Variants in ZNF850 observed in about 807,000 individuals in gnomAD.
ZNF850 encodes the protein putative zinc finger protein ENSP00000330994.
ZNF850 carries 2 observed loss-of-function variants against 11.9 expected under a neutral mutation model. That is an observed-to-expected ratio of 0.17 (90% CI 0.07 to 0.53). The LOEUF is 0.53. Ranked by LOEUF, ZNF850 falls within the 20% of genes least tolerant of loss-of-function variation. The pLI is 0.94. For synonymous variants in ZNF850, 381 were observed against 443.0 expected (o/e 0.86, Z 1.76); for missense variants, 1,014 against 1,316.4 (o/e 0.77, Z 3.55).
chr19:36,771,997 A>AAC (rs2040587643), intron 1 of ZNF850, among the ~76,000 whole-genome samples: 1 of 152,070 alleles, frequency 6.6e-6, no homozygotes, highest in Non-Finnish European at 1.5e-5. Flanking sequence ...TAGAGCCGCC[A>AAC]ACTCTCTCTC....
At chr19:36,764,080 A>C (rs1045546912) in intron 1 of ZNF850, among the ~76,000 whole-genome samples, 13 of 151,986 alleles carry the variant, frequency 8.6e-5, no homozygotes, top group Admixed American at 2.0e-4. Context: ...CCCCGTCTCC[A>C]CTAAAAATAC....
chr19:36,754,751 T>A (rs747499676), intron 4 of ZNF850, among the ~76,000 whole-genome samples: 21 of 151,956 alleles, frequency 1.4e-4, no homozygotes, highest in Non-Finnish European at 7.4e-5. Context: ...GAGATGGGGT[T>A]TCACCATCTT....
At chr19:36,770,607 G>A (rs778313117) in intron 1 of ZNF850, among the ~76,000 whole-genome samples, 1 of 150,480 alleles carries the variant, frequency 6.6e-6, no homozygotes, top group Admixed American at 6.7e-5. Context: ...TCGGGAGGCT[G>A]CGGCAGAAGA....
At chr19:36,763,564 CA>C (rs930480679) in intron 1 of ZNF850, among the ~76,000 whole-genome samples, 1 of 150,062 alleles carries the variant, frequency 6.7e-6, no homozygotes, top group African/African-American at 2.4e-5. Context: ...ACAACAACAA[CA>C]AAAAAAAACC....
At chr19:36,752,258 G>C (rs555334323) in intron 4 of ZNF850, among the ~76,000 whole-genome samples, 1 of 152,206 alleles carries the variant, frequency 6.6e-6, no homozygotes, top group South Asian at 2.1e-4. Context: ...TTACTACACA[G>C]AACCTAGGCT....
intron 4 of ZNF850, among the ~76,000 whole-genome samples, chr19:36,756,504 C>T (rs1279664093): frequency 6.6e-6 from 1 of 151,946 alleles, no homozygotes; most frequent in Non-Finnish European, 1.5e-5. Flanking sequence ...GCAACTTTTC[C>T]CCCCAGATAA....
intron 4 of ZNF850, among the ~76,000 whole-genome samples, chr19:36,760,729 G>A (rs2040512937): frequency 6.6e-6 from 1 of 152,052 alleles, no homozygotes; most frequent in East Asian, 1.9e-4. Context: ...GCCAGTTGTG[G>A]TGGTACATGC....
Position 36,749,131 on chromosome 19 carries a change from G to C in ZNF850, c.1909C>G (p.Gln637Glu). 1 of 1,602,544 alleles carries C rather than the reference G, an allele frequency of 6.2e-7. No individual in the cohort carries two copies. Among genetic ancestry groups the C allele is most frequent in the South Asian group, 1.1e-5 (1 of 90,188 alleles). The change falls in exon 5 of 5, where the codon CAA becomes GAA. Residue 637 changes from glutamine to glutamate, a missense_variant. Physicochemically the swap from Gln to Glu is conservative, Grantham distance 29 (BLOSUM62 2). This residue lies in a region of ZNF850 where 835 missense variants were observed against 1,022.0 expected (regional missense o/e 0.82). Coordinates refer to ENST00000591344, the MANE Select transcript of ZNF850 (RefSeq NM_001193552.2). ...TAAGGTTTCTCACCAGTATGGATTT[G>C]TTGATGTTGAGTAAGTCGTAAACGA... is the stretch of plus-strand genomic sequence containing the variant. Reference protein sequence around the residue: ...RLRLRLTQHQQIHTGEKPYQC... With the variant: ...RLRLRLTQHQEIHTGEKPYQC...
intron 4 of ZNF850, 64 bp from the exon 5 acceptor site, chr19:36,750,868 T>C (rs1312982788): frequency 4.2e-6 from 6 of 1,417,150 alleles, no homozygotes; most frequent in African/African-American, 1.4e-5. Context: ...AAAACATCTA[T>C]GGTAGAAAGG....
At chr19:36,758,169 C>A (rs2040498096) in intron 4 of ZNF850, among the ~76,000 whole-genome samples, 1 of 152,064 alleles carries the variant, frequency 6.6e-6, no homozygotes, top group Non-Finnish European at 1.5e-5. Context: ...ACGACTCATG[C>A]CTTACAGGTG....
chr19:36,764,034 C>G (rs1313190080), intron 1 of ZNF850, among the ~76,000 whole-genome samples: 3 of 151,948 alleles, frequency 2.0e-5, no homozygotes, highest in Non-Finnish European at 4.4e-5. Flanking sequence ...ATCACGAGGT[C>G]AAGAGATAGA....
chr19:36,763,822 C>G (rs1455344260), intron 1 of ZNF850, among the ~76,000 whole-genome samples: 2 of 152,014 alleles, frequency 1.3e-5, no homozygotes, highest in Admixed American at 6.6e-5. Context: ...CCTGTAGTCC[C>G]AGCTACTTGG....
intron 1 of ZNF850, among the ~76,000 whole-genome samples, chr19:36,771,050 G>C (rs537192646): frequency 6.6e-6 from 1 of 152,300 alleles, no homozygotes; most frequent in South Asian, 2.1e-4. Context: ...GGGCTATGGC[G>C]TGTGATGCCA....
At chr19:36,768,281 T>C (rs1015708584) in intron 1 of ZNF850, among the ~76,000 whole-genome samples, 1 of 152,036 alleles carries the variant, frequency 6.6e-6, no homozygotes, top group Non-Finnish European at 1.5e-5. Flanking sequence ...TAAACGTAGG[T>C]TATTCCCTCC....
At position 36,750,938 on chromosome 19, in the gene ZNF850, TGCCTGTAATCCCA is replaced by T. The variant is rs920119043; in HGVS notation, c.236-147_236-135del. On this transcript the variant is annotated intron_variant, in intron 4 of 4. Transcript: ENST00000591344. ...AAGATGTGTTGGGCGTGGTGGCTCATGCCTGTAATCCCAGCGCTTTGGGAGTCTGAGACAGGAG... is the reference window on the plus strand; with the variant it reads ...AAGATGTGTTGGGCGTGGTGGCTCATGCGCTTTGGGAGTCTGAGACAGGAG... 1.6e-4 allele frequency: 158 copies of T among 980,090 alleles called. No individual in the cohort carries two copies. The African/African-American group carries it at 2.2e-3, about 14-fold the overall frequency. 60.7% of individuals were successfully genotyped at this position (980,090 alleles called of 1,614,324 possible). A position where few individuals can be genotyped will look rare whatever the true frequency, so the allele number is the denominator to read the frequency against.
chr19:36,753,440 A>AAAAAAAAAAAAC (rs2040466383), intron 4 of ZNF850, among the ~76,000 whole-genome samples: 1 of 143,118 alleles, frequency 7.0e-6, no homozygotes, highest in Non-Finnish European at 1.5e-5. Context: ...AAAAAAAAAA[A>AAAAAAAAAAAAC]AAAAAAGCCG....
Position 36,749,673 on chromosome 19 carries a change from T to G in ZNF850, c.1367A>C (p.Lys456Thr), listed in dbSNP as rs2040439473. The G allele has an allele frequency of 6.4e-7, 1 of 1,557,948 alleles. No homozygotes were observed. The highest frequency in any genetic ancestry group is 8.7e-7 in the Non-Finnish European group (1 of 1,153,982). The stretch of plus-strand genomic sequence containing the variant: ...TAGTGCTGAGCCCGAAGCAAAAGAT[T>G]TCCCACACTCCTTACAATCATAGGG... The part of the protein sequence containing the change: ...EKPYDCKECG[K>T]SFASGSALLQ... The change falls in exon 5 of 5, where the codon AAA becomes ACA. Residue 456 changes from lysine to threonine, a missense_variant. Around this residue, in one of 2 missense-constraint regions of ZNF850, gnomAD observed 835 missense variants for 1,022.0 expected, o/e 0.82. Coordinates refer to ENST00000591344, the MANE Select transcript of ZNF850 (RefSeq NM_001193552.2).
At position 36,748,302 on chromosome 19, in the gene ZNF850, G is replaced by A; in HGVS notation, c.2738C>T (p.Thr913Ile). 1 of 1,577,792 alleles carries A rather than the reference G, an allele frequency of 6.3e-7. No homozygotes were observed. The change falls in exon 5 of 5, where the codon ACT becomes ATT. Residue 913 changes from threonine to isoleucine, a missense_variant. Thr to Ile is a moderately conservative substitution (Grantham distance 89). Around this residue, in one of 2 missense-constraint regions of ZNF850, gnomAD observed 179 missense variants for 294.4 expected, o/e 0.61. Coordinates refer to ENST00000591344, the MANE Select transcript of ZNF850 (RefSeq NM_001193552.2). Reference protein sequence around the residue: ...GKAFRRRSKLTQHQRIHTGEK... With the variant: ...GKAFRRRSKLIQHQRIHTGEK... ...ACCAGTATGGATTCGTTGATGTTGA[G>A]TAAGTTTTGAACGACGTCTAAAGGC...
In ZNF850 at chr19:36,747,961, G is replaced by A; in HGVS notation, c.3079C>T (p.His1027Tyr). The A allele has an allele frequency of 6.3e-7, 1 of 1,577,178 alleles. No homozygotes were observed. The highest frequency in any genetic ancestry group is 8.6e-7 in the Non-Finnish European group (1 of 1,164,722). Residue 1027 changes from histidine (H) to tyrosine (Y), a missense_variant, in exon 5 of 5, where the codon CAT becomes TAT. His to Tyr is a moderately conservative substitution (Grantham distance 83). Around this residue, in one of 2 missense-constraint regions of ZNF850, gnomAD observed 179 missense variants for 294.4 expected, o/e 0.61. Coordinates refer to ENST00000591344, the MANE Select transcript of ZNF850 (RefSeq NM_001193552.2). Reference sequence around the variant, plus strand: ...TTCTCACCAGTATGGATTCGTTTATGTTGACTAAGTTGTGAAGGACATCTA... The same window carrying A: ...TTCTCACCAGTATGGATTCGTTTATATTGACTAAGTTGTGAAGGACATCTA... ...AFRCPSQLSQ[H>Y]KRIHTGEKTY...
Sources: allele counts gnomAD v4.1 joint callset (sites outside exome capture counted in the v4.1 genomes callset), GRCh38; gene constraint gnomAD v4.1.1; regional missense constraint gnomAD v4.1.1; transcripts MANE v1.5; gene names NCBI Gene and HGNC (gene_info 2026-07-23, HGNC 2026-07-21).